NKAIN2: variants seen among roughly 807,000 people sequenced by gnomAD.
NKAIN2 encodes sodium/potassium transporting ATPase interacting 2, also known as sodium/potassium-transporting ATPase subunit beta-1-interacting protein 2.
In NKAIN2, 14 loss-of-function variants were observed where a neutral mutation model predicts 32.6. That is an observed-to-expected ratio of 0.43 (90% CI 0.28 to 0.67). The LOEUF is 0.67. NKAIN2 is among the 30% of genes least tolerant of loss of function. The pLI is 0.17. For missense variants in NKAIN2, 198 were observed against 258.3 expected (o/e 0.77, Z 1.60); for synonymous variants, 80 against 87.2 (o/e 0.92, Z 0.46).
intron 2 of NKAIN2, 38 bp from the exon 3 acceptor site, chr6:124,355,229 A>T: frequency 7.4e-7 from 1 of 1,355,552 alleles, no homozygotes. Flanking sequence ...ACTGATTCCA[A>T]ATTAATTATA....
chr6:124,340,520 C>T (rs537848820), intron 2 of NKAIN2, among the ~76,000 whole-genome samples: 5 of 152,192 alleles, frequency 3.3e-5, no homozygotes, highest in Non-Finnish European at 7.4e-5. Context: ...CTGCTCCTCT[C>T]CCTCCTCCCA....
chr6:124,168,165 C>G (rs1788667204), intron 1 of NKAIN2, among the ~76,000 whole-genome samples: 2 of 152,220 alleles, frequency 1.3e-5, no homozygotes, highest in South Asian at 4.1e-4. Flanking sequence ...TAATAGTGCA[C>G]AAGTTCATAT....
At chr6:124,614,894 A>C (rs181199480) in intron 3 of NKAIN2, among the ~76,000 whole-genome samples, 1 of 152,326 alleles carries the variant, frequency 6.6e-6, no homozygotes, top group East Asian at 1.9e-4. Context: ...TCATTTGCTT[A>C]GTTTAGAAAA....
intron 1 of NKAIN2, among the ~76,000 whole-genome samples, chr6:124,245,194 C>T (rs1420455993): frequency 6.6e-6 from 1 of 152,040 alleles, no homozygotes; most frequent in Non-Finnish European, 1.5e-5. Flanking sequence ...TCTCTTAAAC[C>T]AGATAGTATT....
chr6:123,913,146 CTG>C (rs1775307955), intron 1 of NKAIN2, among the ~76,000 whole-genome samples: 1 of 152,146 alleles, frequency 6.6e-6, no homozygotes, highest in South Asian at 2.1e-4. Context: ...CCCATGTTCA[CTG>C]AGGTTAAAAT....
At chr6:124,480,736 G>T (rs1777410552) in intron 3 of NKAIN2, among the ~76,000 whole-genome samples, 1 of 151,764 alleles carries the variant, frequency 6.6e-6, no homozygotes, top group South Asian at 2.1e-4. Flanking sequence ...GATTTCTTTG[G>T]CATTTTTCTA....
At chr6:124,173,753 T>C (rs1378351446) in intron 1 of NKAIN2, among the ~76,000 whole-genome samples, 4 of 152,146 alleles carry the variant, frequency 2.6e-5, no homozygotes, top group African/African-American at 7.2e-5. Flanking sequence ...TTCTTTGTTA[T>C]ATAATCATCA....
chr6:124,181,501 G>A (rs1454956896), intron 1 of NKAIN2, among the ~76,000 whole-genome samples: 1 of 152,032 alleles, frequency 6.6e-6, no homozygotes, highest in Non-Finnish European at 1.5e-5. Flanking sequence ...TGCTCTGCTT[G>A]CCTTTTAAAC....
intron 1 of NKAIN2, among the ~76,000 whole-genome samples, chr6:124,032,969 C>T (rs182373397): frequency 2.2e-4 from 33 of 151,894 alleles, no homozygotes; most frequent in Admixed American, 5.3e-4. Flanking sequence ...CAATAAAGTG[C>T]CATTGATTAA....
At chr6:124,330,810 C>A (rs1485053035) in intron 2 of NKAIN2, among the ~76,000 whole-genome samples, 1 of 152,136 alleles carries the variant, frequency 6.6e-6, no homozygotes, top group South Asian at 2.1e-4. Flanking sequence ...TGCCTGAGTT[C>A]CTGAGCTCTG....
At chr6:124,367,951 A>T (rs1799595545) in intron 3 of NKAIN2, among the ~76,000 whole-genome samples, 1 of 152,114 alleles carries the variant, frequency 6.6e-6, no homozygotes, top group African/African-American at 2.4e-5. Flanking sequence ...AAATATTTTT[A>T]AATTTAAAGC....
intron 4 of NKAIN2, among the ~76,000 whole-genome samples, chr6:124,698,352 T>A (rs1774604149): frequency 6.6e-6 from 1 of 152,192 alleles, no homozygotes; most frequent in East Asian, 1.9e-4. Flanking sequence ...AGTGTTAGCA[T>A]AAAAAAATGT....
intron 3 of NKAIN2, among the ~76,000 whole-genome samples, chr6:124,513,154 G>C (rs1778780593): frequency 2.0e-5 from 3 of 152,060 alleles, no homozygotes; most frequent in African/African-American, 4.8e-5. Context: ...AAAATATTAT[G>C]AAAAACATTA....
At chr6:124,466,991 G>C (rs1776786568) in intron 3 of NKAIN2, among the ~76,000 whole-genome samples, 1 of 151,964 alleles carries the variant, frequency 6.6e-6, no homozygotes, top group Non-Finnish European at 1.5e-5. Flanking sequence ...AAATATTTTT[G>C]TTTAAACAAT....
intron 3 of NKAIN2, among the ~76,000 whole-genome samples, chr6:124,446,227 T>C (rs910428546): frequency 3.3e-5 from 5 of 152,166 alleles, no homozygotes; most frequent in Non-Finnish European, 5.9e-5. Flanking sequence ...ACAAGAAACA[T>C]TTGAAATATT....
intron 3 of NKAIN2, among the ~76,000 whole-genome samples, chr6:124,427,845 G>T (rs527601940): frequency 2.0e-4 from 31 of 152,190 alleles, no homozygotes; most frequent in African/African-American, 7.2e-4. Flanking sequence ...GAAATAGGTC[G>T]TTCGGGGCTA....
chr6:123,830,527 T>C (rs1217842748), intron 1 of NKAIN2, among the ~76,000 whole-genome samples: 1 of 152,192 alleles, frequency 6.6e-6, no homozygotes, highest in African/African-American at 2.4e-5. Flanking sequence ...TTATTTTCTC[T>C]TGTTCTCACG....
intron 1 of NKAIN2, chr6:123,829,344 T>C (rs1177377733): frequency 6.6e-6 from 1 of 152,182 alleles, no homozygotes; most frequent in African/African-American, 2.4e-5. Flanking sequence ...ATCCTGTGGG[T>C]GTCTCAAAGG....
At chr6:124,528,059 T>C (rs1779386082) in intron 3 of NKAIN2, among the ~76,000 whole-genome samples, 1 of 152,178 alleles carries the variant, frequency 6.6e-6, no homozygotes, top group Non-Finnish European at 1.5e-5. Flanking sequence ...TCCTTGGTGA[T>C]ATGATTAGCT....
Sources: gnomAD v4.1 joint callset for allele counts (sites outside exome capture counted in the v4.1 genomes callset) on GRCh38, gnomAD v4.1.1 for gene constraint, MANE v1.5 for transcripts, NCBI Gene and HGNC (gene_info 2026-07-23, HGNC 2026-07-21) for gene names.